Variants in LRFN2 observed in about 807,000 individuals in gnomAD.
LRFN2 encodes the protein leucine rich repeat and fibronectin type III domain containing 2.
LRFN2 carries 18 observed loss-of-function variants against 37.3 expected under a neutral mutation model. The observed-to-expected ratio is 0.48, with a 90% confidence interval of 0.33 to 0.72. The LOEUF (loss-of-function observed/expected upper bound fraction) is 0.72, where lower values mean the gene tolerates loss of function less well. LRFN2 is among the 30% of genes least tolerant of loss of function. The probability of loss-of-function intolerance (pLI) is 0.02; values close to 1 mark genes in which losing one functional copy is unlikely to be tolerated. For synonymous variants in LRFN2, 556 were observed against 466.6 expected, an observed-to-expected ratio of 1.19 and a Z score of -2.47; for missense variants, 1,006 against 1,060.7, an observed-to-expected ratio of 0.95 and a Z score of 0.72.
At chr6:40,580,386 T>C (rs1201054988) in intron 1 of LRFN2, among the ~76,000 whole-genome samples, 1 of 152,012 alleles carries the variant, frequency 6.6e-6, no homozygotes, top group Non-Finnish European at 1.5e-5. Flanking sequence ...TGGTCACCCT[T>C]TGTCTGTGTG....
At chr6:40,583,201 C>CAT (rs66499659) in intron 1 of LRFN2, among the ~76,000 whole-genome samples, 1 of 141,262 alleles carries the variant, frequency 7.1e-6, no homozygotes, top group Non-Finnish European at 1.6e-5. Context: ...TATATATAGA[C>CAT]ATATATATAC....
intron 1 of LRFN2, among the ~76,000 whole-genome samples, chr6:40,491,028 G>A (rs947252752): frequency 3.9e-5 from 6 of 152,222 alleles, no homozygotes; most frequent in Non-Finnish European, 7.3e-5. Context: ...GTGAGGGGGA[G>A]GAGGAAGACA....
At chr6:40,399,297 TAGC>T (rs1048160578) in intron 2 of LRFN2, among the ~76,000 whole-genome samples, 1 of 151,552 alleles carries the variant, frequency 6.6e-6, no homozygotes, top group African/African-American at 2.4e-5. Flanking sequence ...CTAATCTCTA[TAGC>T]GCCTCACTGT....
chr6:40,453,513 A>AACACACACAC (rs5875719), intron 1 of LRFN2, among the ~76,000 whole-genome samples: 11 of 119,740 alleles, frequency 9.2e-5, no homozygotes, highest in Admixed American at 3.2e-4. Flanking sequence ...CCCCAAGCCA[A>AACACACACAC]ACACACACAC....
chr6:40,572,891 G>A (rs896649610), intron 1 of LRFN2, among the ~76,000 whole-genome samples: 4 of 152,150 alleles, frequency 2.6e-5, no homozygotes, highest in African/African-American at 9.7e-5. Context: ...CCTGCTGGGG[G>A]AAGGATCGGA....
chr6:40,401,985 C>T (rs888487931), intron 2 of LRFN2, among the ~76,000 whole-genome samples: 1 of 152,194 alleles, frequency 6.6e-6, no homozygotes, highest in African/African-American at 2.4e-5. Flanking sequence ...GCTTGCCACC[C>T]TCTCTAGTTA....
chr6:40,504,435 C>T (rs1037879862), intron 1 of LRFN2, among the ~76,000 whole-genome samples: 1 of 152,184 alleles, frequency 6.6e-6, no homozygotes, highest in Non-Finnish European at 1.5e-5. Flanking sequence ...TCTAACCAAT[C>T]CTCCGGTCAC....
At chr6:40,516,276 T>TC (rs1765869665) in intron 1 of LRFN2, 2 of 152,120 alleles carry the variant, frequency 1.3e-5, no homozygotes, top group African/African-American at 4.8e-5. Context: ...TGACCCCAGC[T>TC]CCCCTCCGTT....
At chr6:40,569,944 G>A (rs535220702) in intron 1 of LRFN2, among the ~76,000 whole-genome samples, 102 of 152,100 alleles carry the variant, frequency 6.7e-4, no homozygotes, top group African/African-American at 1.8e-3. Context: ...CACCCTCTGC[G>A]TTCCCTCCAG....
At chr6:40,557,848 A>G (rs553845892) in intron 1 of LRFN2, among the ~76,000 whole-genome samples, 6 of 152,358 alleles carry the variant, frequency 3.9e-5, no homozygotes, top group East Asian at 3.9e-4. Flanking sequence ...TATATAGAAC[A>G]ATGTTTGTCA....
At position 40,432,004 on chromosome 6, in the gene LRFN2, G is replaced by T. The variant is rs1350673875; in HGVS notation, c.1110C>A (p.Ala370=). Residue 370 remains alanine (A), a synonymous_variant, in exon 2 of 3, where the codon GCC becomes GCA. Coordinates refer to ENST00000338305, the MANE Select transcript of LRFN2 (RefSeq NM_020737.3). ...IAANAAGEAT[A]MVEVSIVQLP... is the part of the protein sequence containing the mutation. ...GCTGGACGATGGAGACCTCCACCATGGCCGTGGCCTCTCCGGCAGCATTGG... is the reference window on the plus strand; with the variant it reads ...GCTGGACGATGGAGACCTCCACCATTGCCGTGGCCTCTCCGGCAGCATTGG... 2 of 1,613,734 alleles carry T rather than the reference G, an allele frequency of 1.2e-6. No individual in the cohort carries two copies. Among genetic ancestry groups the T allele is most frequent in the South Asian group, 2.2e-5 (2 of 91,088 alleles).
chr6:40,496,009 C>T (rs1581749739), intron 1 of LRFN2, among the ~76,000 whole-genome samples: 1 of 152,258 alleles, frequency 6.6e-6, no homozygotes, highest in East Asian at 1.9e-4. Flanking sequence ...CCAAATATGC[C>T]AATACATTCC....
intron 1 of LRFN2, among the ~76,000 whole-genome samples, chr6:40,453,429 C>T (rs9394697): frequency 0.53 from 79,261 of 150,826 alleles, 20,973 homozygotes; most frequent in South Asian, 0.59. Context: ...ACAACACCCA[C>T]CGCAACCACC....
chr6:40,415,671 C>T (rs560105377), intron 2 of LRFN2, among the ~76,000 whole-genome samples: 69 of 152,302 alleles, frequency 4.5e-4, no homozygotes, highest in Middle Eastern at 3.4e-3. Context: ...GAAGACCTCC[C>T]AGAATAGTTG....
chr6:40,483,637 C>A (rs184323616), intron 1 of LRFN2, among the ~76,000 whole-genome samples: 11 of 152,334 alleles, frequency 7.2e-5, no homozygotes, highest in African/African-American at 2.6e-4. Flanking sequence ...CTCTTGCTGT[C>A]CCCATTTTAT....
intron 1 of LRFN2, among the ~76,000 whole-genome samples, chr6:40,578,517 G>T (rs1218738693): frequency 6.6e-6 from 1 of 152,186 alleles, no homozygotes; most frequent in Non-Finnish European, 1.5e-5. Flanking sequence ...TGGTAGGATT[G>T]TTGCAAGGGA....
intron 1 of LRFN2, among the ~76,000 whole-genome samples, chr6:40,509,025 C>A (rs933157487): frequency 1.3e-5 from 2 of 152,218 alleles, no homozygotes; most frequent in African/African-American, 4.8e-5. Flanking sequence ...ATCCTCCTTC[C>A]ACCTGTGAGG....
At chr6:40,575,553 G>T (rs1257805055) in intron 1 of LRFN2, among the ~76,000 whole-genome samples, 1 of 152,146 alleles carries the variant, frequency 6.6e-6, no homozygotes, top group Non-Finnish European at 1.5e-5. Flanking sequence ...TGGATATTGG[G>T]GTAAAGGAAC....
intron 1 of LRFN2, among the ~76,000 whole-genome samples, chr6:40,563,006 A>G (rs1216069889): frequency 6.6e-6 from 1 of 152,128 alleles, no homozygotes; most frequent in Non-Finnish European, 1.5e-5. Flanking sequence ...TGGGAGTGTT[A>G]TAAGCATGTC....
Sources: allele counts gnomAD v4.1 joint callset (sites outside exome capture counted in the v4.1 genomes callset), GRCh38; gene constraint gnomAD v4.1.1; transcripts MANE v1.5; gene names NCBI Gene and HGNC (gene_info 2026-07-23, HGNC 2026-07-21).